The following MGAM variants were observed in gnomAD, a reference collection of about 807,000 sequenced individuals.
MGAM encodes the protein alpha-1,4-glucosidase.
In MGAM, 253 loss-of-function variants were observed where a neutral mutation model predicts 358.8. The ratio of observed to expected loss-of-function variants is 0.71; its 90% CI spans 0.64 to 0.78. MGAM has a LOEUF of 0.78. Ranked by LOEUF, MGAM falls within the 30% of genes least tolerant of loss-of-function variation. The pLI, the probability that MGAM is intolerant of heterozygous loss-of-function variation, is 0.00. For synonymous variants in MGAM, 1,105 were observed against 1,227.1 expected, an observed-to-expected ratio of 0.90 and a Z score of 2.08; for missense variants, 3,080 against 3,432.6, an observed-to-expected ratio of 0.90 and a Z score of 2.57.
At position 142,052,573 on chromosome 7, in the gene MGAM, C is replaced by G. The variant is rs553720592; in HGVS notation, c.2958+127C>G. 1.2e-5 allele frequency: 17 copies of G among 1,379,060 alleles called. No individual in the cohort carries two copies. In the African/African-American group the frequency reaches 2.5e-4, roughly 20 times the overall value. 85.4% of individuals were successfully genotyped at this position (1,379,060 alleles called of 1,614,324 possible). On this transcript the variant is annotated intron_variant, in intron 25 of 70. Transcript: ENST00000475668. ...GAAAGAACTTCCTAAGGGACAGGAT[C>G]TAGATGTGACAAGTAGGTGGGGACA...
At chr7:142,036,360 G>T in intron 17 of MGAM, 75 bp downstream of exon 17, 1 of 1,164,470 alleles carries the variant, frequency 8.6e-7, no homozygotes, top group South Asian at 1.4e-5. Flanking sequence ...TCCTTGCCAA[G>T]AGATCTGCTG....
Position 142,090,829 on chromosome 7 carries a change from C to T in MGAM, c.6811-1084C>T, listed in dbSNP as rs754738829. Among the ~76,000 whole-genome samples the T allele has an allele frequency of 1.4e-4, 21 of 146,448 alleles. 6 individuals carry two copies. Among genetic ancestry groups the T allele is most frequent in the Non-Finnish European group, 2.3e-4 (15 of 64,680 alleles). ...TTGCTGCTTCGAAGTGGTGTGAACC[C>T]ACCATTAAACAGTGAGTATATATTT... is the stretch of plus-strand genomic sequence containing the variant. On this transcript the variant is annotated intron_variant, in intron 57 of 70. Transcript: ENST00000475668.
In MGAM at chr7:142,090,978, G is replaced by A. The variant is rs575845819; in HGVS notation, c.6811-935G>A. On this transcript the variant is annotated intron_variant, in intron 57 of 70. Transcript: ENST00000475668. ...GAAGTTGTATCTGGCTGGGCATGGT[G>A]TCTCATGCCTGTTATCCTATCACTT... is the stretch of plus-strand genomic sequence containing the variant. 2.9e-4 allele frequency among the ~76,000 whole-genome samples: 42 copies of A among 146,412 alleles called. 2 individuals carry two copies. The highest frequency in any genetic ancestry group is 9.7e-4 in the African/African-American group (40 of 41,200).
rs1265169519 is a variant in MGAM at position 142,043,631 on chromosome 7, T to C, written c.2498+2785T>C. ...TATCTAATATATAATACATATATTA[T>C]ATATACATATACTATCTAATATATA... On this transcript the variant is annotated intron_variant, in intron 21 of 70. Transcript: ENST00000475668. Among the ~76,000 whole-genome samples the C allele has an allele frequency of 1.5e-5, 2 of 134,032 alleles. 1 individual carries two copies. The allele number at this position is 134,032 out of a possible 152,430, so 87.9% of individuals were successfully genotyped here. A position where few individuals can be genotyped will look rare whatever the true frequency, so the allele number is the denominator to read the frequency against.
At chr7:142,037,103 T>A (rs1808062826) in intron 18 of MGAM, 126 bp downstream of exon 18, 10 of 955,860 alleles carry the variant, frequency 1.0e-5, no homozygotes, top group Non-Finnish European at 1.1e-5. Flanking sequence ...TATCTATATC[T>A]GTAATCTAGC....
rs1364466222 is a variant in MGAM at position 142,060,347 on chromosome 7, T to C, written c.4096T>C (p.Ser1366Pro). 1 of 1,614,060 alleles carries C rather than the reference T, an allele frequency of 6.2e-7. No homozygotes were observed. The highest frequency in any genetic ancestry group is 1.7e-5 in the Admixed American group (1 of 60,024). ...PDFPDVVVNG[S>P]LDWDSQVELY... is the part of the protein sequence containing the mutation. ...TTTTCCTGATGTTGTTGTGAATGGG[T>C]CTCTAGACTGGGACAGCCAAGTGGA... The change falls in exon 34 of 71, where the codon TCT becomes CCT. Residue 1366 changes from serine to proline, a missense_variant. Around this residue, in one of 5 missense-constraint regions of MGAM, gnomAD observed 1,816 missense variants for 1,840.5 expected, o/e 0.99. Transcript: ENST00000475668.
chr7:142,094,683 C>A (rs1464761495), intron 62 of MGAM, 29 bp downstream of exon 62: 11 of 1,612,344 alleles, frequency 6.8e-6, no homozygotes, highest in Non-Finnish European at 8.5e-6. Context: ...CTCCTAAGCA[C>A]CAAGAAGGTG....
chr7:142,052,842 G>A lies in MGAM; in HGVS notation c.3017G>A (p.Ser1006Asn). The change falls in exon 26 of 71, where the codon AGT becomes AAT. Residue 1006 changes from serine to asparagine, a missense_variant. Around this residue, in one of 5 missense-constraint regions of MGAM, gnomAD observed 1,816 missense variants for 1,840.5 expected, o/e 0.99. Transcript: ENST00000475668. The part of the protein sequence containing the change: ...CYFVNDLYSV[S>N]DVQYNSHGAT... ...TTTGTCAACGACCTATACTCTGTCA[G>A]TGATGTTCAGTATAATTCCCATGGG... The A allele has an allele frequency of 6.2e-7, 1 of 1,613,852 alleles. No individual in the cohort carries two copies. The highest frequency in any genetic ancestry group is 8.5e-7 in the Non-Finnish European group (1 of 1,179,836).
intron 44 of MGAM, among the ~76,000 whole-genome samples, chr7:142,071,648 C>T (rs1387740016): frequency 6.9e-6 from 1 of 145,984 alleles, no homozygotes; most frequent in Admixed American, 6.9e-5. Context: ...CCACACTGCT[C>T]ACCCATGTTT....
Position 142,076,374 on chromosome 7 carries a change from C to T in MGAM, c.5325+122C>T, listed in dbSNP as rs548421782. 1.6e-5 allele frequency: 17 copies of T among 1,039,468 alleles called. 2 individuals are homozygous for T. The East Asian group carries it at 3.4e-4, about 21-fold the overall frequency. The allele number at this position is 1,039,468 out of a possible 1,614,324, so 64.4% of individuals were successfully genotyped here. On this transcript the variant is annotated intron_variant, in intron 46 of 70. Coordinates refer to ENST00000475668, the MANE Select transcript of MGAM (RefSeq NM_001365693.1). Reference sequence around the variant, plus strand: ...ATATGCATTATTGGCTATAGGTGAGCACATTTCTATTTATGATTTCATCGA... The same window carrying T: ...ATATGCATTATTGGCTATAGGTGAGTACATTTCTATTTATGATTTCATCGA...
Position 142,076,260 on chromosome 7 carries a change from G to A in MGAM, c.5325+8G>A, listed in dbSNP as rs1337270308. ...GAGTTTTCTGTCACTCAAGTGAGTAGCATATTTTTATGAATCTTAGGTGTG... is the reference window on the plus strand; with the variant it reads ...GAGTTTTCTGTCACTCAAGTGAGTAACATATTTTTATGAATCTTAGGTGTG... On this transcript the variant is annotated splice_region_variant and intron_variant, in intron 46 of 70. Transcript: ENST00000475668. 7 of 1,528,634 alleles carry A rather than the reference G, an allele frequency of 4.6e-6. 1 individual carries two copies. The highest frequency in any genetic ancestry group is 2.7e-5 in the African/African-American group (2 of 74,382). 94.7% of individuals were successfully genotyped at this position (1,528,634 alleles called of 1,614,324 possible).
intron 57 of MGAM, among the ~76,000 whole-genome samples, chr7:142,088,954 T>A (rs536868980): frequency 7.7e-6 from 1 of 129,382 alleles, no homozygotes; most frequent in Admixed American, 8.0e-5. Flanking sequence ...TATTTATATA[T>A]CATCTATCTC....
intron 57 of MGAM, among the ~76,000 whole-genome samples, chr7:142,089,661 C>G (rs1030420684): frequency 6.9e-6 from 1 of 145,096 alleles, no homozygotes; most frequent in Admixed American, 6.9e-5. Context: ...CGTGGTGGCA[C>G]GCGCCTGTAA....
At chr7:142,005,482 A>G (rs782248895) in intron 1 of MGAM, 47 bp from the exon 2 acceptor site, 3 of 1,341,446 alleles carry the variant, frequency 2.2e-6, no homozygotes, top group Non-Finnish European at 1.0e-6. Flanking sequence ...TACTAGTTAT[A>G]TAGTAAATCA....
rs544879544 is a variant in MGAM, at chr7:141,998,866, C to CCCA, written c.-3+2937_-3+2939dup. Among the ~76,000 whole-genome samples, 15 of 152,234 alleles carry CCCA rather than the reference C, an allele frequency of 9.9e-5. No individual in the cohort carries two copies. In the South Asian group the frequency reaches 2.1e-3, roughly 21 times the overall value. Reference sequence around the variant, plus strand: ...CACAATGCTTGAACTAATTTACACTCCCAACAGTGTAAAAGCGTTCATATG... The same window carrying CCCA: ...CACAATGCTTGAACTAATTTACACTCCCACCAACAGTGTAAAAGCGTTCATATG... On this transcript the variant is annotated intron_variant, in intron 1 of 70. Coordinates refer to ENST00000475668, the MANE Select transcript of MGAM (RefSeq NM_001365693.1).
intron 21 of MGAM, among the ~76,000 whole-genome samples, chr7:142,041,965 AT>A (rs1808733401): frequency 8.1e-5 from 2 of 24,750 alleles, no homozygotes; most frequent in Non-Finnish European, 1.4e-4. Context: ...TATAATATAT[AT>A]ATATTATATA....
chr7:142,045,193 TA>T (rs1809954845), intron 21 of MGAM, among the ~76,000 whole-genome samples: 2 of 68,264 alleles, frequency 2.9e-5, no homozygotes, highest in African/African-American at 4.9e-5. Flanking sequence ...ATATGATATA[TA>T]ATATATATTA....
upstream of MGAM, among the ~76,000 whole-genome samples, chr7:141,994,957 A>T (rs1554448167): frequency 6.6e-6 from 1 of 152,204 alleles, no homozygotes; most frequent in African/African-American, 2.4e-5. Flanking sequence ...CAATACAGTG[A>T]TGTTATCTTT....
At chr7:142,062,476 G>A (rs1258203453) in intron 34 of MGAM, 92 bp from the exon 35 acceptor site, 1 of 1,492,156 alleles carries the variant, frequency 6.7e-7, no homozygotes, top group Non-Finnish European at 9.0e-7. Context: ...CCATGCAGTT[G>A]AAGTATTTGT....
Sources: allele counts gnomAD v4.1 joint callset (sites outside exome capture counted in the v4.1 genomes callset), GRCh38; gene constraint gnomAD v4.1.1; regional missense constraint gnomAD v4.1.1; transcripts MANE v1.5; gene names NCBI Gene and HGNC (gene_info 2026-07-23, HGNC 2026-07-21).